The following ATP11C variants were observed in gnomAD, a reference collection of about 807,000 sequenced individuals.
The protein encoded by ATP11C is ATPase phospholipid transporting 11C (ATP11C blood group).
A neutral mutation model predicts 97.4 loss-of-function variants in ATP11C; 36 were observed. The ratio of observed to expected loss-of-function variants is 0.37; its 90% confidence interval spans 0.28 to 0.49. The LOEUF (loss-of-function observed/expected upper bound fraction) is 0.49. ATP11C is among the 20% of genes least tolerant of loss of function. The pLI, the probability that ATP11C is intolerant of heterozygous loss-of-function variation, is 0.98. For missense variants in ATP11C, 730 were observed against 824.6 expected, an observed-to-expected ratio of 0.89 and a Z score of 1.40; for synonymous variants, 275 against 290.9, an observed-to-expected ratio of 0.95 and a Z score of 0.56.
intron 15 of ATP11C, among the ~76,000 whole-genome samples, chrX:139,786,750 A>G (rs1302644757): frequency 8.9e-6 from 1 of 112,522 alleles, no homozygotes; most frequent in Non-Finnish European, 1.9e-5. Context: ...ACACCTGAAC[A>G]TTCCGAACCA....
chrX:139,859,184 G>A (rs1471352212), intron 1 of ATP11C, among the ~76,000 whole-genome samples: 2 of 111,603 alleles, frequency 1.8e-5, no homozygotes, highest in African/African-American at 3.3e-5. Flanking sequence ...GCAGAATAGC[G>A]GCAACTACAG....
chrX:139,877,536 T>C (rs2084493555), intron 1 of ATP11C, among the ~76,000 whole-genome samples: 1 of 111,140 alleles, frequency 9.0e-6, no homozygotes, highest in Non-Finnish European at 1.9e-5. Context: ...CTAGTATCAG[T>C]AGAGCTGGAC....
chrX:139,757,789 AAT>A lies in ATP11C; in HGVS notation c.2700+17_2700+18del. Reference sequence around the variant, plus strand: ...AGCAAATGTAAACTATATTATAACGAATAACTTGAGAAACAAACCTGTTGTGA... The same window carrying A: ...AGCAAATGTAAACTATATTATAACGAAACTTGAGAAACAAACCTGTTGTGA... On this transcript the variant is annotated intron_variant, in intron 23 of 29. Coordinates refer to ENST00000682941, the MANE Select transcript of ATP11C (RefSeq NM_001353812.2). The A allele has an allele frequency of 8.9e-7, 1 of 1,129,524 alleles. No individual in the cohort carries two copies. The highest frequency in any genetic ancestry group is 3.0e-5 in the East Asian group (1 of 33,262). 93.1% of individuals were successfully genotyped at this position (1,129,524 alleles called of 1,213,427 possible).
At chrX:139,870,795 G>A (rs1156561174) in intron 1 of ATP11C, among the ~76,000 whole-genome samples, 1 of 112,080 alleles carries the variant, frequency 8.9e-6, no homozygotes, top group African/African-American at 3.2e-5. Context: ...GGTGGCTCAC[G>A]CCTGTAATCC....
At chrX:139,826,895 C>G in intron 1 of ATP11C, 72 bp from the exon 2 acceptor site, 1 of 1,072,560 alleles carries the variant, frequency 9.3e-7, no homozygotes, top group Non-Finnish European at 1.3e-6. Context: ...GCCCATAATT[C>G]TTGTCCAAGC....
intron 29 of ATP11C, among the ~76,000 whole-genome samples, chrX:139,731,382 C>T (rs1158225706): frequency 2.7e-5 from 3 of 111,961 alleles, no homozygotes; most frequent in African/African-American, 6.5e-5. Context: ...ACAACTTGCC[C>T]CTTACAAATT....
At position 139,741,555 on chromosome X, in the gene ATP11C, G is replaced by C. The variant is rs550342188; in HGVS notation, c.3031-461C>G. On this transcript the variant is annotated intron_variant, in intron 26 of 29. Coordinates refer to ENST00000682941, the MANE Select transcript of ATP11C (RefSeq NM_001353812.2). ...GTAGACAAACTACAAAACTTTCAAA[G>C]GTGTCGTGAAAGCTCAAACACAACA... Among the ~76,000 whole-genome samples, 15 of 111,328 alleles carry C rather than the reference G, an allele frequency of 1.3e-4. No homozygotes were observed. In the South Asian group the frequency reaches 4.2e-3, roughly 31 times the overall value.
At chrX:139,862,408 G>T (rs1296522523) in intron 1 of ATP11C, among the ~76,000 whole-genome samples, 1 of 111,704 alleles carries the variant, frequency 9.0e-6, no homozygotes, top group African/African-American at 3.3e-5. Context: ...GCCTGGGAGA[G>T]GGGGCAATTT....
At chrX:139,863,317 G>C (rs1470685199) in intron 1 of ATP11C, among the ~76,000 whole-genome samples, 1 of 112,030 alleles carries the variant, frequency 8.9e-6, no homozygotes, top group Non-Finnish European at 1.9e-5. Context: ...CAGATCACTT[G>C]AGGTCAGGAG....
At chrX:139,899,198 G>A (rs1036593734) in intron 1 of ATP11C, among the ~76,000 whole-genome samples, 13 of 111,192 alleles carry the variant, frequency 1.2e-4, no homozygotes, top group South Asian at 3.8e-4. Context: ...ATGTAATGTG[G>A]GGCCGGATGC....
At chrX:139,877,801 C>T (rs891969048) in intron 1 of ATP11C, among the ~76,000 whole-genome samples, 5 of 112,088 alleles carry the variant, frequency 4.5e-5, no homozygotes, top group African/African-American at 1.6e-4. Flanking sequence ...AAGGGTGGAT[C>T]GCTTGGGGCC....
chrX:139,762,890 T>C (rs189168079), intron 21 of ATP11C, among the ~76,000 whole-genome samples: 112 of 111,765 alleles, frequency 1.0e-3, no homozygotes, highest in African/African-American at 3.5e-3. Flanking sequence ...TACTGCCATG[T>C]TGAAAAACAG....
At chrX:139,879,269 A>G (rs1029432898) in intron 1 of ATP11C, among the ~76,000 whole-genome samples, 5 of 111,229 alleles carry the variant, frequency 4.5e-5, no homozygotes, top group Non-Finnish European at 9.4e-5. Context: ...TCACAACCTA[A>G]GTATCCATCA....
chrX:139,854,894 C>T (rs764601747), intron 1 of ATP11C, among the ~76,000 whole-genome samples: 1 of 111,775 alleles, frequency 8.9e-6, no homozygotes, highest in South Asian at 3.7e-4. Context: ...AGGGTATCAT[C>T]CAATTTTTCT....
intron 1 of ATP11C, among the ~76,000 whole-genome samples, chrX:139,877,343 T>G (rs1416911470): frequency 8.9e-6 from 1 of 112,441 alleles, no homozygotes; most frequent in African/African-American, 3.2e-5. Flanking sequence ...AGACACAACT[T>G]ATGACCTTGC....
At chrX:139,826,676 C>T (rs769856215) in intron 2 of ATP11C, 28 bp downstream of exon 2, 2 of 1,164,559 alleles carry the variant, frequency 1.7e-6, no homozygotes, top group Non-Finnish European at 2.3e-6. Flanking sequence ...ACTATATGAA[C>T]ATCTATTGAG....
chrX:139,754,454 T>C (rs963756837), intron 23 of ATP11C, among the ~76,000 whole-genome samples: 2 of 109,202 alleles, frequency 1.8e-5, no homozygotes, highest in African/African-American at 6.6e-5. Context: ...TCCAAAAAAA[T>C]TGAGAAGGAG....
chrX:139,854,555 G>A (rs1037712497), intron 1 of ATP11C, among the ~76,000 whole-genome samples: 4 of 111,309 alleles, frequency 3.6e-5, no homozygotes. Flanking sequence ...TTTGCAATAA[G>A]TCAGAAAGTT....
intron 16 of ATP11C, among the ~76,000 whole-genome samples, chrX:139,784,768 C>G (rs1483423013): frequency 9.0e-6 from 1 of 111,198 alleles, no homozygotes; most frequent in South Asian, 3.9e-4. Flanking sequence ...TCTACCTCAC[C>G]TGTTTCCAGG....
Sources: gnomAD v4.1 joint callset for allele counts (sites outside exome capture counted in the v4.1 genomes callset) on GRCh38, gnomAD v4.1.1 for gene constraint, MANE v1.5 for transcripts, NCBI Gene and HGNC (gene_info 2026-07-23, HGNC 2026-07-21) for gene names.